Variants in SYT14 observed in about 807,000 individuals in gnomAD.
The protein encoded by SYT14 is synaptotagmin-14.
A neutral mutation model predicts 74.2 loss-of-function variants in SYT14; 32 were observed. That is an observed-to-expected ratio of 0.43 (90% CI 0.33 to 0.58). The LOEUF is 0.58. SYT14 is among the 20% of genes least tolerant of loss of function. SYT14 has a pLI of 0.05. For missense variants in SYT14, 791 were observed against 981.8 expected (o/e 0.81, Z 2.60); for synonymous variants, 298 against 337.7 (o/e 0.88, Z 1.29).
chr1:210,000,259 T>G (rs1324579887), intron 2 of SYT14, among the ~76,000 whole-genome samples: 1 of 152,188 alleles, frequency 6.6e-6, no homozygotes, highest in African/African-American at 2.4e-5. Context: ...CTTACGGCTT[T>G]GTGAATTTGG....
intron 7 of SYT14, among the ~76,000 whole-genome samples, chr1:210,110,362 A>G (rs1024883826): frequency 1.3e-5 from 2 of 152,232 alleles, no homozygotes; most frequent in Admixed American, 6.5e-5. Flanking sequence ...GTCCAGGAGG[A>G]CAAAATAGGA....
At chr1:209,968,073 A>T (rs1200192227) in intron 2 of SYT14, among the ~76,000 whole-genome samples, 1 of 152,218 alleles carries the variant, frequency 6.6e-6, no homozygotes, top group Non-Finnish European at 1.5e-5. Context: ...CTATTTCAGT[A>T]TGTAAACAAT....
chr1:209,956,006 T>C (rs2078985732), intron 2 of SYT14, among the ~76,000 whole-genome samples: 1 of 152,192 alleles, frequency 6.6e-6, no homozygotes, highest in Non-Finnish European at 1.5e-5. Flanking sequence ...TATTATATCA[T>C]AATTATATTT....
chr1:209,947,433 A>G (rs921085071), intron 1 of SYT14, among the ~76,000 whole-genome samples: 2 of 152,220 alleles, frequency 1.3e-5, no homozygotes, highest in Non-Finnish European at 2.9e-5. Context: ...TCCAACTATC[A>G]TGGATGACTT....
intron 5 of SYT14, among the ~76,000 whole-genome samples, chr1:210,043,279 A>G (rs2080827735): frequency 6.6e-6 from 1 of 152,180 alleles, no homozygotes; most frequent in African/African-American, 2.4e-5. Context: ...TAAAGGAGAA[A>G]GGCTTCAGTA....
chr1:209,939,413 C>T (rs918436321), intron 1 of SYT14, among the ~76,000 whole-genome samples: 30 of 152,160 alleles, frequency 2.0e-4, no homozygotes, highest in African/African-American at 6.8e-4. Flanking sequence ...TTCTTTTTGT[C>T]GGATCATGTG....
At chr1:210,123,388 A>T (rs2102617161) in intron 7 of SYT14, among the ~76,000 whole-genome samples, 1 of 152,322 alleles carries the variant, frequency 6.6e-6, no homozygotes, top group Admixed American at 6.5e-5. Flanking sequence ...GTGCACACAG[A>T]AGGAGAGAAC....
chr1:210,144,442 C>A (rs1023085543), intron 7 of SYT14, among the ~76,000 whole-genome samples: 1 of 152,090 alleles, frequency 6.6e-6, no homozygotes, highest in Non-Finnish European at 1.5e-5. Flanking sequence ...ACTAAAGTCA[C>A]GGTCCTGTAA....
intron 7 of SYT14, among the ~76,000 whole-genome samples, chr1:210,119,362 GC>G (rs2082415778): frequency 6.6e-6 from 1 of 152,108 alleles, no homozygotes; most frequent in East Asian, 1.9e-4. Flanking sequence ...TAGAAAAGAG[GC>G]AGTTTTTATC....
chr1:209,984,960 T>C (rs2079546564), intron 2 of SYT14, among the ~76,000 whole-genome samples: 1 of 152,136 alleles, frequency 6.6e-6, no homozygotes, highest in Non-Finnish European at 1.5e-5. Flanking sequence ...CTGCCCTCAG[T>C]ACCTAAACAC....
chr1:210,106,973 A>G (rs56203132), intron 7 of SYT14, among the ~76,000 whole-genome samples: 5 of 152,362 alleles, frequency 3.3e-5, no homozygotes, highest in Middle Eastern at 3.4e-3. Context: ...CTTAGATGCA[A>G]TGGAGGTACA....
At chr1:210,160,910 A>G in exon 10 of SYT14, 2 of 1,614,018 alleles carry the variant, frequency 1.2e-6, no homozygotes, top group Non-Finnish European at 1.7e-6. Context: ...GCAGCATGAA[A>G]AGAAAAGAGA....
rs146386496 is a variant in SYT14, at chr1:210,135,553, A to G, written c.2035-20168A>G. Among the ~76,000 whole-genome samples the G allele has an allele frequency of 4.1e-3, 617 of 152,166 alleles. 8 individuals are homozygous for G. Among genetic ancestry groups the G allele is most frequent in the South Asian group, 0.026 (124 of 4,828 alleles). ...TTTAAGGTCCATGTCTACAAATTCTATCATCTGTTTAGTTTCTGGATCAGT... is the reference window on the plus strand; with the variant it reads ...TTTAAGGTCCATGTCTACAAATTCTGTCATCTGTTTAGTTTCTGGATCAGT... On this transcript the variant is annotated intron_variant, in intron 7 of 9. Coordinates refer to ENST00000637265, the Ensembl canonical transcript of SYT14.
chr1:210,161,522 A>G (rs1034152035), exon 10 of SYT14: 5 of 453,888 alleles, frequency 1.1e-5, no homozygotes, highest in Non-Finnish European at 2.2e-5. Context: ...ATCATAAGTC[A>G]TATCTAATGG....
intron 6 of SYT14, among the ~76,000 whole-genome samples, chr1:210,096,315 A>G (rs1293776552): frequency 2.0e-5 from 3 of 152,236 alleles, no homozygotes; most frequent in Non-Finnish European, 4.4e-5. Context: ...ATTACCAGGC[A>G]AACTCTCTCA....
chr1:209,999,329 A>G (rs916605968), intron 2 of SYT14, among the ~76,000 whole-genome samples: 1 of 152,178 alleles, frequency 6.6e-6, no homozygotes, highest in East Asian at 1.9e-4. Context: ...TACAGCCACT[A>G]TGGGAAACAG....
At chr1:210,063,119 T>A (rs1381754550) in intron 5 of SYT14, among the ~76,000 whole-genome samples, 1 of 151,458 alleles carries the variant, frequency 6.6e-6, no homozygotes, top group Non-Finnish European at 1.5e-5. Context: ...CTGGATTATA[T>A]GTCACGTTCA....
chr1:210,034,706 T>C lies in SYT14; in HGVS notation c.1312+13452T>C, dbSNP rs948014307. Among the ~76,000 whole-genome samples the C allele has an allele frequency of 3.9e-5, 6 of 151,932 alleles. No individual in the cohort carries two copies. In the East Asian group the frequency reaches 9.7e-4, roughly 24 times the overall value. ...TGTGTAAATATTACCTAGCTTCCAC[T>C]TAAAAGTGGGATCATGCAGTATATG... On this transcript the variant is annotated intron_variant, in intron 5 of 9. Coordinates refer to ENST00000637265, the Ensembl canonical transcript of SYT14.
exon 5 of SYT14, chr1:210,021,159 C>A (rs1217227022): frequency 6.2e-7 from 1 of 1,613,988 alleles, no homozygotes; most frequent in Admixed American, 1.7e-5. Context: ...CTGGCAGATT[C>A]TAGACAAAGG....
Sources: gnomAD v4.1 joint callset for allele counts (sites outside exome capture counted in the v4.1 genomes callset) on GRCh38, gnomAD v4.1.1 for gene constraint, MANE v1.5 for transcripts, NCBI Gene and HGNC (gene_info 2026-07-23, HGNC 2026-07-21) for gene names.